Variants in CNNM2 observed in about 807,000 individuals in gnomAD.
The protein encoded by CNNM2 is metal transporter CNNM2.
CNNM2 carries 12 observed loss-of-function variants against 66.9 expected under a neutral mutation model. The ratio of observed to expected loss-of-function variants is 0.18; its 90% confidence interval spans 0.11 to 0.29. The LOEUF (loss-of-function observed/expected upper bound fraction) is 0.29, where lower values mean the gene tolerates loss of function less well. CNNM2 is among the 10% of genes least tolerant of loss of function. CNNM2 has a pLI of 1.00. For missense variants in CNNM2, 705 were observed against 1,167.7 expected, an observed-to-expected ratio of 0.60 and a Z score of 5.77; for synonymous variants, 557 against 501.8, an observed-to-expected ratio of 1.11 and a Z score of -1.47.
intron 4 of CNNM2, among the ~76,000 whole-genome samples, chr10:103,058,982 T>G (rs1045810075): frequency 1.3e-5 from 2 of 152,202 alleles, no homozygotes; most frequent in Admixed American, 6.5e-5. Flanking sequence ...TTTTGTTTTT[T>G]GTTTGTTTTG....
intron 1 of CNNM2, among the ~76,000 whole-genome samples, chr10:102,957,094 G>A (rs1731225447): frequency 6.6e-6 from 1 of 152,154 alleles, no homozygotes. Context: ...TTGAGGTCAG[G>A]AGTTCGAAAC....
intron 1 of CNNM2, among the ~76,000 whole-genome samples, chr10:102,931,443 G>GC (rs1846061944): frequency 6.9e-6 from 1 of 143,956 alleles, no homozygotes; most frequent in Admixed American, 7.3e-5. Context: ...CGCAACCTCC[G>GC]CCTTCCCGGG....
chr10:103,003,096 A>G (rs1422446453), intron 1 of CNNM2, among the ~76,000 whole-genome samples: 1 of 147,912 alleles, frequency 6.8e-6, no homozygotes, highest in Admixed American at 7.0e-5. Context: ...GTATGCATAC[A>G]TGCTATAACA....
At chr10:103,016,429 A>C (rs920517965) in intron 1 of CNNM2, among the ~76,000 whole-genome samples, 4 of 152,166 alleles carry the variant, frequency 2.6e-5, no homozygotes, top group Admixed American at 6.5e-5. Flanking sequence ...GGCAGACAGC[A>C]TTCTAGGCAC....
chr10:103,027,821 A>G (rs1267279373), intron 1 of CNNM2, among the ~76,000 whole-genome samples: 3 of 152,338 alleles, frequency 2.0e-5, no homozygotes, highest in Admixed American at 6.5e-5. Context: ...ACTATGTGCC[A>G]GGCACTATTT....
At chr10:103,038,616 T>A (rs889940981) in intron 1 of CNNM2, among the ~76,000 whole-genome samples, 5 of 152,168 alleles carry the variant, frequency 3.3e-5, no homozygotes, top group African/African-American at 9.7e-5. Flanking sequence ...TAGATTTTTT[T>A]AAAGAAACCA....
intron 1 of CNNM2, among the ~76,000 whole-genome samples, chr10:103,028,006 T>C (rs141811965): frequency 5.1e-4 from 77 of 152,340 alleles, no homozygotes; most frequent in African/African-American, 1.6e-3. Context: ...TTTAAAGTTC[T>C]TAATCACTGA....
At chr10:103,030,446 G>A (rs1002992598) in intron 1 of CNNM2, among the ~76,000 whole-genome samples, 2 of 152,328 alleles carry the variant, frequency 1.3e-5, no homozygotes, top group African/African-American at 4.8e-5. Flanking sequence ...TGGACATGGT[G>A]GCTCATGCCT....
chr10:103,085,103 G>A lies in CNNM2; in HGVS notation c.*7923G>A, dbSNP rs1426557075. On this transcript the variant is annotated 3_prime_UTR_variant, in exon 8 of 8. Transcript: ENST00000369878. ...ATGCCATCTCCCCTAGTGGATTACTGAGGACTGAGGATGCACGTTTCTAAG... is the reference window on the plus strand; with the variant it reads ...ATGCCATCTCCCCTAGTGGATTACTAAGGACTGAGGATGCACGTTTCTAAG... 1 of 152,166 alleles carries A rather than the reference G, an allele frequency of 6.6e-6. No individual in the cohort carries two copies. Among genetic ancestry groups the A allele is most frequent in the Non-Finnish European group, 1.5e-5 (1 of 68,058 alleles). The allele number at this position is 152,166 out of a possible 1,614,324, so 9.4% of individuals were successfully genotyped here.
At chr10:102,921,247 A>G (rs1845622827) in intron 1 of CNNM2, 1 of 166,606 alleles carries the variant, frequency 6.0e-6, no homozygotes, top group South Asian at 1.9e-4. Flanking sequence ...TGAAATGTGT[A>G]TGTAACCTTT....
At position 103,082,552 on chromosome 10, in the gene CNNM2, T is replaced by C. The variant is rs887989723; in HGVS notation, c.*5372T>C. On this transcript the variant is annotated 3_prime_UTR_variant, in exon 8 of 8. Transcript: ENST00000369878. ...ATGCTTTATTTTATATTATTTATTA[T>C]GTACATATGCCTGTTAGTACTTCGT... The C allele has an allele frequency of 6.6e-6, 1 of 152,250 alleles. No individual in the cohort carries two copies. Among genetic ancestry groups the C allele is most frequent in the African/African-American group, 2.4e-5 (1 of 41,474 alleles). The allele number at this position is 152,250 out of a possible 1,614,324, so 9.4% of individuals were successfully genotyped here.
At chr10:103,002,567 C>T (rs1302001122) in intron 1 of CNNM2, among the ~76,000 whole-genome samples, 1 of 151,814 alleles carries the variant, frequency 6.6e-6, no homozygotes, top group Non-Finnish European at 1.5e-5. Context: ...GCAGCCTCCA[C>T]CTCCTGGGTT....
chr10:102,999,269 A>G (rs2064068693), intron 1 of CNNM2, among the ~76,000 whole-genome samples: 3 of 135,024 alleles, frequency 2.2e-5, no homozygotes, highest in South Asian at 2.4e-4. Context: ...TTTTTAGTAG[A>G]GATGGGGTTT....
intron 1 of CNNM2, among the ~76,000 whole-genome samples, chr10:102,990,047 C>T (rs764998245): frequency 2.6e-5 from 4 of 151,416 alleles, no homozygotes; most frequent in African/African-American, 7.3e-5. Context: ...CCGGTTCAAG[C>T]GATTCTCATG....
At position 103,082,956 on chromosome 10, in the gene CNNM2, T is replaced by C. The variant is rs1000327930; in HGVS notation, c.*5776T>C. The C allele has an allele frequency of 1.3e-5, 2 of 151,072 alleles. No individual in the cohort carries two copies. The highest frequency in any genetic ancestry group is 6.6e-5 in the Admixed American group (1 of 15,262). The allele number at this position is 151,072 out of a possible 1,614,324, so 9.4% of individuals were successfully genotyped here. On this transcript the variant is annotated 3_prime_UTR_variant, in exon 8 of 8. Transcript: ENST00000369878. ...CCACAGTGATAATGGTTTCTTCCAC[T>C]TACCTTAGATTGCATAATCCATCTT...
At chr10:103,066,052 C>G (rs2065471554) in intron 4 of CNNM2, among the ~76,000 whole-genome samples, 1 of 152,184 alleles carries the variant, frequency 6.6e-6, no homozygotes, top group African/African-American at 2.4e-5. Context: ...AAGCCTCCTG[C>G]AGCCCCCAGC....
At chr10:103,053,628 CCTT>C (rs1326095761) in intron 2 of CNNM2, among the ~76,000 whole-genome samples, 4 of 152,198 alleles carry the variant, frequency 2.6e-5, no homozygotes, top group Non-Finnish European at 4.4e-5. Flanking sequence ...CAGCCATGCT[CCTT>C]CATTTTTCTA....
In CNNM2 at chr10:103,054,015, C is replaced by T. The variant is rs1430089633; in HGVS notation, c.1766-314C>T. Among the ~76,000 whole-genome samples the T allele has an allele frequency of 1.3e-5, 2 of 152,146 alleles. No individual in the cohort carries two copies. The highest frequency in any genetic ancestry group is 4.8e-5 in the African/African-American group (2 of 41,432). ...CCTGTTGCTGTGTGCTTCTGTGGGT[C>T]TTGTGAGAGGCTCTGTCAGCATTTG... is the stretch of plus-strand genomic sequence containing the variant. On this transcript the variant is annotated intron_variant, in intron 2 of 7. Transcript: ENST00000369878. This position sits in a 1 kb window ranked among gnomAD's most constrained non-coding sequence, Gnocchi z 5.2.
chr10:103,057,480 A>G (rs1053606958), intron 4 of CNNM2, among the ~76,000 whole-genome samples: 19 of 151,568 alleles, frequency 1.3e-4, no homozygotes, highest in Non-Finnish European at 5.9e-5. Flanking sequence ...AAAAAAAAAA[A>G]GTTGGGGGGA....
Sources: gnomAD v4.1 joint callset for allele counts (sites outside exome capture counted in the v4.1 genomes callset) on GRCh38, gnomAD v4.1.1 for gene constraint, Gnocchi (gnomAD v3.1) non-coding constraint, MANE v1.5 for transcripts, NCBI Gene and HGNC (gene_info 2026-07-23, HGNC 2026-07-21) for gene names.